The following TECR variants were observed in gnomAD, a reference collection of about 807,000 sequenced individuals.
TECR encodes the protein trans-2,3-enoyl-CoA reductase.
In TECR, 19 loss-of-function variants were observed where a neutral mutation model predicts 50.6. That is an observed-to-expected ratio of 0.38 (90% CI 0.26 to 0.55). TECR has a LOEUF of 0.55. TECR is among the 20% of genes least tolerant of loss of function. The pLI is 0.79. For synonymous variants in TECR, 168 were observed against 163.5 expected, an observed-to-expected ratio of 1.03 and a Z score of -0.21; for missense variants, 313 against 408.3, an observed-to-expected ratio of 0.77 and a Z score of 2.01.
chr19:14,548,210 C>G (rs2073371518), intron 1 of TECR, among the ~76,000 whole-genome samples: 1 of 152,146 alleles, frequency 6.6e-6, no homozygotes. Flanking sequence ...GATCCGCCCC[C>G]TCGGCCTCCC....
chr19:14,547,312 T>C, intron 1 of TECR, among the ~76,000 whole-genome samples: 1 of 152,160 alleles, frequency 6.6e-6, no homozygotes, highest in South Asian at 2.1e-4. Flanking sequence ...GGTAAAAATA[T>C]TAGTTACAGG....
chr19:14,559,396 A>AT, intron 1 of TECR, among the ~76,000 whole-genome samples: 1 of 152,034 alleles, frequency 6.6e-6, no homozygotes, highest in Middle Eastern at 3.4e-3. Flanking sequence ...TGCTCTGGGT[A>AT]TTTTGCATAG....
At chr19:14,556,401 ACTCT>A (rs1228730062) in intron 1 of TECR, among the ~76,000 whole-genome samples, 3 of 146,964 alleles carry the variant, frequency 2.0e-5, no homozygotes, top group Non-Finnish European at 4.5e-5. Flanking sequence ...CGACAGCGAG[ACTCT>A]CTCAAAAAAA....
Position 14,565,617 on chromosome 19 carries a change from G to A in TECR, c.754-1G>A. 1 of 1,611,382 alleles carries A rather than the reference G, an allele frequency of 6.2e-7. No individual in the cohort carries two copies. On this transcript the variant is annotated splice_acceptor_variant, in intron 11 of 12. Transcript: ENST00000215567. LOFTEE classifies it high-confidence loss of function. ...CGCTCACTCTCCGCCCCTGCCCACA[G>A]GTGGGGTCCTGGATCGGTTTCGCCA... is the stretch of plus-strand genomic sequence containing the variant.
chr19:14,556,925 T>G (rs1257577316), intron 1 of TECR, among the ~76,000 whole-genome samples: 2 of 151,968 alleles, frequency 1.3e-5, no homozygotes, highest in Non-Finnish European at 2.9e-5. Context: ...ATCTCGCTAT[T>G]GTTAGGGTTT....
chr19:14,557,818 C>T (rs997443210), intron 1 of TECR, among the ~76,000 whole-genome samples: 6 of 151,706 alleles, frequency 4.0e-5, no homozygotes, highest in African/African-American at 1.5e-4. Context: ...TGCAGTGGCG[C>T]GATCTCGGTT....
Position 14,565,759 on chromosome 19 carries a change from T to A in TECR, c.815T>A (p.Leu272Gln). 6.2e-7 allele frequency: 1 copy of A among 1,611,922 alleles called. No individual in the cohort carries two copies. The highest frequency in any genetic ancestry group is 2.2e-5 in the East Asian group (1 of 44,810). The change falls in exon 13 of 13, where the codon CTG (leucine) becomes CAG (glutamine). Residue 272 changes from leucine to glutamine, a missense_variant. Coordinates refer to ENST00000215567, the MANE Select transcript of TECR (RefSeq NM_138501.6). ...TQCLPVALFS[L>Q]VGFTQMTIWA... ...TTTCCTGCAGTGGCCCTGTTCTCCC[T>A]GGTGGGCTTCACCCAGATGACCATC...
Position 14,553,736 on chromosome 19 carries a change from G to A in TECR, c.16-8789G>A, listed in dbSNP as rs984054584. On this transcript the variant is annotated intron_variant, in intron 1 of 12. Transcript: ENST00000215567. ...AGGTGATGGGGGCGAGGTGGCCGGC[G>A]TGGCTCTGGGCATGATCGGGCCAGG... Among the ~76,000 whole-genome samples the A allele has an allele frequency of 4.5e-4, 68 of 152,294 alleles. 1 individual carries two copies. The highest frequency in any genetic ancestry group is 1.5e-3 in the African/African-American group (64 of 41,594).
chr19:14,530,399 C>T (rs971462513), intron 1 of TECR: 2 of 152,378 alleles, frequency 1.3e-5, no homozygotes, highest in African/African-American at 2.4e-5. Flanking sequence ...GCTTATCGCC[C>T]TAGGTGATAA....
At chr19:14,562,824 C>T (rs931473080) in intron 2 of TECR, among the ~76,000 whole-genome samples, 1 of 152,094 alleles carries the variant, frequency 6.6e-6, no homozygotes, top group African/African-American at 2.4e-5. Flanking sequence ...TGAGCCTTGC[C>T]CCTGCTGAGG....
rs4926135 is a variant in TECR at position 14,563,016 on chromosome 19, C to T, written c.67-190C>T. On this transcript the variant is annotated intron_variant, in intron 2 of 12. Coordinates refer to ENST00000215567, the MANE Select transcript of TECR (RefSeq NM_138501.6). The surrounding 1 kb of genome is among the most constrained non-coding windows in gnomAD (Gnocchi z 5.3). ...TGAGGGTAAAAGTGGAGCCCCAGAC[C>T]CCTGCTGTCACTGCACTGGCAGGGC... The T allele has an allele frequency of 0.39, 258,842 of 666,818 alleles. 52,233 individuals carry two copies. The highest frequency in any genetic ancestry group is 0.43 in the Non-Finnish European group (167,145 of 391,018). 41.3% of individuals were successfully genotyped at this position (666,818 alleles called of 1,614,324 possible).
intron 1 of TECR, among the ~76,000 whole-genome samples, chr19:14,545,377 C>G (rs181750633): frequency 6.6e-6 from 1 of 151,826 alleles, no homozygotes; most frequent in South Asian, 2.1e-4. Flanking sequence ...AGGGTCCTCC[C>G]GGGCACACCC....
At chr19:14,556,413 A>AC (rs1555735955) in intron 1 of TECR, among the ~76,000 whole-genome samples, 2 of 86,514 alleles carry the variant, frequency 2.3e-5, no homozygotes, top group African/African-American at 3.1e-5. Context: ...TCTCTCAAAA[A>AC]AAAAACAAAA....
intron 1 of TECR, among the ~76,000 whole-genome samples, chr19:14,555,697 T>TG (rs2073697279): frequency 6.6e-6 from 1 of 152,166 alleles, no homozygotes; most frequent in Non-Finnish European, 1.5e-5. Context: ...CACCTCAGCC[T>TG]CCCAAAGTGC....
intron 1 of TECR, among the ~76,000 whole-genome samples, chr19:14,553,529 C>G (rs368078388): frequency 6.6e-6 from 1 of 152,102 alleles, no homozygotes; most frequent in Non-Finnish European, 1.5e-5. Flanking sequence ...TATTTCTGGC[C>G]GAGCAGGTGT....
At chr19:14,556,386 C>T (rs1267419055) in intron 1 of TECR, among the ~76,000 whole-genome samples, 1 of 150,902 alleles carries the variant, frequency 6.6e-6, no homozygotes, top group Non-Finnish European at 1.5e-5. Flanking sequence ...GCATTCCAGC[C>T]TGGGCGACAG....
At chr19:14,551,117 G>GCT (rs1555734346) in intron 1 of TECR, among the ~76,000 whole-genome samples, 1 of 151,366 alleles carries the variant, frequency 6.6e-6, no homozygotes, top group Non-Finnish European at 1.5e-5. Context: ...TGTCACCCAG[G>GCT]CTGGAGTGCA....
upstream of TECR, among the ~76,000 whole-genome samples, chr19:14,528,474 G>A (rs1040318721): frequency 6.6e-6 from 1 of 151,444 alleles, no homozygotes; most frequent in Non-Finnish European, 1.5e-5. Context: ...TCCTCACCTC[G>A]TGATCTGCCC....
In TECR at chr19:14,542,347, G is replaced by GTTTTTTTTTTTTTT. The variant is rs71166754; in HGVS notation, c.15+12652_15+12665dup. On this transcript the variant is annotated intron_variant, in intron 1 of 12. Transcript: ENST00000215567. ...CCTCAGGGGGCCCTCATGCCATAGTGTTTTTTTTTTTTTTTTTTTTTTTTT... is the reference window on the plus strand; with the variant it reads ...CCTCAGGGGGCCCTCATGCCATAGTGTTTTTTTTTTTTTTTTTTTTTTTTTTTTTTTTTTTTTTT... Among the ~76,000 whole-genome samples, 82 of 43,300 alleles carry GTTTTTTTTTTTTTT rather than the reference G, an allele frequency of 1.9e-3. 20 individuals are homozygous for GTTTTTTTTTTTTTT. Among genetic ancestry groups the GTTTTTTTTTTTTTT allele is most frequent in the Non-Finnish European group, 2.7e-3 (61 of 22,812 alleles). The allele number at this position is 43,300 out of a possible 152,430, so 28.4% of individuals were successfully genotyped here.
Sources: gnomAD v4.1 joint callset for allele counts (sites outside exome capture counted in the v4.1 genomes callset) on GRCh38, gnomAD v4.1.1 for gene constraint, Gnocchi (gnomAD v3.1) non-coding constraint, MANE v1.5 for transcripts, NCBI Gene and HGNC (gene_info 2026-07-23, HGNC 2026-07-21) for gene names.